ALG12: variants seen among roughly 807,000 people sequenced by gnomAD.
ALG12 encodes the protein dol-P-Man:Man(7)GlcNAc(2)-PP-Dol alpha-1,6-mannosyltransferase.
In ALG12, 36 loss-of-function variants were observed where a neutral mutation model predicts 46.0. The ratio of observed to expected loss-of-function variants is 0.78; its 90% CI spans 0.60 to 1.03. The LOEUF is 1.03. Ranked by LOEUF, ALG12 falls within the 50% of genes least tolerant of loss-of-function variation. ALG12 has a pLI of 0.00. For missense variants in ALG12, 599 were observed against 633.5 expected (o/e 0.95, Z 0.58); for synonymous variants, 326 against 291.6 (o/e 1.12, Z -1.20).
Position 49,906,579 on chromosome 22 carries a change from AC to A in ALG12, c.992+1141del, listed in dbSNP as rs1382544126. On this transcript the variant is annotated intron_variant, in intron 7 of 9. Transcript: ENST00000330817. The surrounding 1 kb of genome is among the most constrained non-coding windows in gnomAD (Gnocchi z 4.4). ...CATCCCCTCCCCTGTAACAAGTGGCACCGGAAAGCACCTGACCGCTGCCTGA... is the reference window on the plus strand; with the variant it reads ...CATCCCCTCCCCTGTAACAAGTGGCACGGAAAGCACCTGACCGCTGCCTGA... Among the ~76,000 whole-genome samples the A allele has an allele frequency of 6.6e-6, 1 of 152,142 alleles. No homozygotes were observed. Among genetic ancestry groups the A allele is most frequent in the Non-Finnish European group, 1.5e-5 (1 of 68,000 alleles).
intron 3 of ALG12, 138 bp downstream of exon 3, chr22:49,913,247 G>C: frequency 2.2e-6 from 3 of 1,382,308 alleles, no homozygotes; most frequent in Non-Finnish European, 1.0e-6. Context: ...CCTGCTCTGA[G>C]CCGCCATGCC....
the ALG12 span, among the ~76,000 whole-genome samples, chr22:49,866,882 G>C: frequency 6.6e-6 from 1 of 152,188 alleles, no homozygotes; most frequent in Admixed American, 6.5e-5. Context: ...GCTCTTGAAC[G>C]GTGGCTCTCG....
rs1235766640 is a variant in ALG12 at position 49,910,042 on chromosome 22, G to A, written c.516C>T (p.Phe172=). The part of the protein sequence containing the change: ...AAWLRHEWAR[F]IWLSAFAIIV... ...TGATGGCGAAGGCTGACAGCCAGAT[G>A]AAGCGGGCCCACTCGTGCCGCAGCC... The change falls in exon 5 of 10, where the codon TTC becomes TTT. Residue 172 remains phenylalanine, a synonymous_variant. Coordinates refer to ENST00000330817, the MANE Select transcript of ALG12 (RefSeq NM_024105.4). 1.2e-6 allele frequency: 2 copies of A among 1,613,226 alleles called. No homozygotes were observed. The highest frequency in any genetic ancestry group is 1.7e-6 in the Non-Finnish European group (2 of 1,179,840).
chr22:49,913,893 C>T, intron 1 of ALG12, 50 bp from the exon 2 acceptor site: 1 of 1,252,926 alleles, frequency 8.0e-7, no homozygotes, highest in Non-Finnish European at 1.1e-6. Context: ...CGCTTGCGCT[C>T]ACGTTTGGGA....
At chr22:49,909,133 C>T (rs2060560688) in intron 6 of ALG12, 111 bp downstream of exon 6, 2 of 1,184,818 alleles carry the variant, frequency 1.7e-6, no homozygotes, top group Non-Finnish European at 1.3e-6. Context: ...CCTGACCCTG[C>T]AGCCACGCTG....
In ALG12 at chr22:49,909,332, A is replaced by G. The variant is rs1312665458; in HGVS notation, c.680T>C (p.Val227Ala). The change falls in exon 6 of 10, where the codon GTG becomes GCG. Residue 227 changes from valine to alanine, a missense_variant. Transcript: ENST00000330817. Reference protein sequence around the residue: ...GILCLGLTVAVDSYFWRQLTW... With the variant: ...GILCLGLTVAADSYFWRQLTW... ...GAGCTGCCGCCAAAAATAAGAGTCC[A>G]CAGCAACCGTCAGTCCTGACAAAAT... is the stretch of plus-strand genomic sequence containing the variant. The G allele has an allele frequency of 6.2e-7, 1 of 1,614,226 alleles. No individual in the cohort carries two copies. The highest frequency in any genetic ancestry group is 1.3e-5 in the African/African-American group (1 of 75,060).
chr22:49,865,966 C>A, the ALG12 span, among the ~76,000 whole-genome samples: 1 of 151,990 alleles, frequency 6.6e-6, no homozygotes, highest in Non-Finnish European at 1.5e-5. Flanking sequence ...CCCGCCTCCA[C>A]CTCCCGATGC....
chr22:49,907,991 C>G (rs779304135), intron 6 of ALG12, 47 bp from the exon 7 acceptor site: 1 of 1,588,640 alleles, frequency 6.3e-7, no homozygotes, highest in South Asian at 1.1e-5. Context: ...CGCATGAGCC[C>G]GTGGGCTAGG....
rs1161977930 is a variant in ALG12, at chr22:49,913,600, T to C, written c.162+4A>G. 9.9e-6 allele frequency: 16 copies of C among 1,613,932 alleles called. No individual in the cohort carries two copies. The highest frequency in any genetic ancestry group is 1.4e-5 in the Non-Finnish European group (16 of 1,180,034). ...TTTCCCCAAAGACAGCAGGGGCCCC[T>C]CACCTGCTCCAGGTCTTGCCAGTGG... is the stretch of plus-strand genomic sequence containing the variant. On this transcript the variant is annotated splice_donor_region_variant and intron_variant, in intron 2 of 9. Coordinates refer to ENST00000330817, the MANE Select transcript of ALG12 (RefSeq NM_024105.4).
downstream of ALG12, among the ~76,000 whole-genome samples, chr22:49,897,969 T>C (rs982951596): frequency 1.3e-5 from 2 of 151,826 alleles, no homozygotes; most frequent in Non-Finnish European, 2.9e-5. Flanking sequence ...TCAATCACAT[T>C]GTTTTCTTAT....
chr22:49,875,277 C>T, the ALG12 span, among the ~76,000 whole-genome samples: 77 of 150,516 alleles, frequency 5.1e-4, no homozygotes, highest in African/African-American at 1.7e-3. Context: ...GTCATCTGGG[C>T]CTGGGAGTTT....
chr22:49,915,828 C>T (rs758999016), intron 1 of ALG12, among the ~76,000 whole-genome samples: 3 of 152,204 alleles, frequency 2.0e-5, no homozygotes, highest in African/African-American at 7.2e-5. Flanking sequence ...ACTCATCCTG[C>T]GGGCAGGGCT....
chr22:49,912,929 T>A (rs552153346), intron 3 of ALG12, among the ~76,000 whole-genome samples: 102 of 152,172 alleles, frequency 6.7e-4, no homozygotes, highest in Non-Finnish European at 1.2e-3. Context: ...TTTTTTTTTT[T>A]AAAGTCCTCA....
At chr22:49,885,611 A>T in the ALG12 span, 1 of 1,610,910 alleles carries the variant, frequency 6.2e-7, no homozygotes, top group South Asian at 1.1e-5. Flanking sequence ...AAGTTTTACG[A>T]TTCTCACCCA....
intron 3 of ALG12, among the ~76,000 whole-genome samples, chr22:49,911,659 C>T (rs2146610749): frequency 6.6e-6 from 1 of 152,296 alleles, no homozygotes; most frequent in South Asian, 2.1e-4. Flanking sequence ...GTCTCAAACT[C>T]CTGACCTCAG....
At chr22:49,913,203 G>A (rs2060589494) in intron 3 of ALG12, among the ~76,000 whole-genome samples, 182 bp downstream of exon 3, 1 of 152,224 alleles carries the variant, frequency 6.6e-6, no homozygotes, top group Admixed American at 6.5e-5. Context: ...GGCACAGAGG[G>A]GCTGACTCAG....
the ALG12 span, among the ~76,000 whole-genome samples, chr22:49,891,005 G>C: frequency 6.6e-6 from 1 of 151,656 alleles, no homozygotes; most frequent in Non-Finnish European, 1.5e-5. Context: ...ACTCCAGCCT[G>C]GGCGACAGAG....
chr22:49,908,290 G>A (rs1217225261), intron 6 of ALG12, among the ~76,000 whole-genome samples: 1 of 152,136 alleles, frequency 6.6e-6, no homozygotes, highest in Non-Finnish European at 1.5e-5. Flanking sequence ...AGCACTTCGG[G>A]AGGCCAAGGT....
the ALG12 span, chr22:49,889,765 G>T: frequency 1.2e-5 from 2 of 167,122 alleles, no homozygotes; most frequent in African/African-American, 4.8e-5. Flanking sequence ...ACAGTCACAC[G>T]ACTCTCACTA....
Sources: allele counts gnomAD v4.1 joint callset (sites outside exome capture counted in the v4.1 genomes callset), GRCh38; gene constraint gnomAD v4.1.1; non-coding constraint Gnocchi (gnomAD v3.1); transcripts MANE v1.5; gene names NCBI Gene and HGNC (gene_info 2026-07-23, HGNC 2026-07-21).